The following PRAMEF20 variants were observed in gnomAD, a reference collection of about 807,000 sequenced individuals.
PRAMEF20 encodes the protein PRAME family member 20/21.
A neutral mutation model predicts 32.4 loss-of-function variants in PRAMEF20; 27 were observed. The observed-to-expected ratio is 0.83, with a 90% CI of 0.61 to 1.15. The LOEUF (loss-of-function observed/expected upper bound fraction) is 1.15. Ranked by LOEUF, PRAMEF20 falls within the 50% of genes most tolerant of loss-of-function variation. PRAMEF20 has a pLI of 0.00. For synonymous variants in PRAMEF20, 256 were observed against 235.4 expected (o/e 1.09, Z -0.80); for missense variants, 604 against 584.5 (o/e 1.03, Z -0.34).
chr1:13,417,293 A>G (rs1258727263), intron 1 of PRAMEF20, among the ~76,000 whole-genome samples: 2 of 152,026 alleles, frequency 1.3e-5, no homozygotes, highest in African/African-American at 4.8e-5. Context: ...GGCTACTTTT[A>G]GAATCCTGCT....
exon 1 of PRAMEF20, chr1:13,416,358 A>G (rs1277243801): frequency 1.2e-6 from 2 of 1,612,638 alleles, no homozygotes; most frequent in East Asian, 2.2e-5. Context: ...CAGGAAGATG[A>G]GCATCCGGAC....
At chr1:13,417,145 A>C (rs1355127147) in intron 1 of PRAMEF20, among the ~76,000 whole-genome samples, 2 of 152,150 alleles carry the variant, frequency 1.3e-5, no homozygotes, top group Non-Finnish European at 2.9e-5. Flanking sequence ...AGAAGGACGA[A>C]GCTTCCACAG....
At chr1:13,411,567 TG>T (rs1641114449), upstream of PRAMEF20, among the ~76,000 whole-genome samples, 1 of 152,198 alleles carries the variant, frequency 6.6e-6, no homozygotes, top group African/African-American at 2.4e-5. Context: ...GTCATTATCC[TG>T]GGTGTAATTT....
At chr1:13,415,371 C>T (rs1378398393), upstream of PRAMEF20, among the ~76,000 whole-genome samples, 1 of 152,144 alleles carries the variant, frequency 6.6e-6, no homozygotes, top group Non-Finnish European at 1.5e-5. Context: ...CATAAGTCAC[C>T]ATGCCCAGCC....
exon 3 of PRAMEF20, chr1:13,420,860 C>T (rs1641235167): frequency 1.9e-6 from 3 of 1,613,888 alleles, no homozygotes; most frequent in Non-Finnish European, 2.5e-6. Context: ...CCAAGTTCTC[C>T]TAGAAAAAGT....
In PRAMEF20 at chr1:13,421,253, T is replaced by C. The variant is rs939516172; in HGVS notation, c.1423T>C (p.Cys475Arg). The C allele has an allele frequency of 4.3e-6, 7 of 1,613,910 alleles. No individual in the cohort carries two copies. In the Admixed American group the frequency reaches 1.2e-4, roughly 27 times the overall value. ...CGACCTGGAGGTAGATCGGTGTTGC[T>C]GTTGAATGCCTGCCTATTTGGGTGG... is the stretch of plus-strand genomic sequence containing the variant. The change falls in exon 3 of 3, where the codon TGT (cysteine) becomes CGT (arginine). Residue 475 changes from cysteine to arginine, a missense_variant. By Grantham distance (180) the Cys-to-Arg change is radical. Coordinates refer to ENST00000602960, the Ensembl canonical transcript of PRAMEF20.
At chr1:13,413,801 C>A (rs1175494305), upstream of PRAMEF20, among the ~76,000 whole-genome samples, 2 of 152,024 alleles carry the variant, frequency 1.3e-5, no homozygotes, top group African/African-American at 4.8e-5. Flanking sequence ...AACACTGAGT[C>A]CAGATCTGGT....
intron 1 of PRAMEF20, among the ~76,000 whole-genome samples, 168 bp from the exon 3 acceptor site, chr1:13,417,954 T>TGTGTGTGTGTG (rs1641199873): frequency 1.8e-5 from 1 of 55,718 alleles, no homozygotes; most frequent in Non-Finnish European, 4.2e-5. Context: ...GTGTGTGTGT[T>TGTGTGTGTGTG]TAGTAGAGAC....
the PRAMEF20 span, chr1:13,410,483 G>GT: frequency 6.6e-6 from 1 of 152,020 alleles, no homozygotes; most frequent in Non-Finnish European, 1.5e-5. Flanking sequence ...TTTCTGCTTG[G>GT]TTTTTCCTGA....
At chr1:13,410,627 T>TTG in the PRAMEF20 span, 5 of 151,890 alleles carry the variant, frequency 3.3e-5, no homozygotes, top group African/African-American at 1.2e-4. Flanking sequence ...TGTCTTTTTT[T>TTG]TTTTTTTTGT....
chr1:13,421,289 C>G lies in PRAMEF20; in HGVS notation c.*31C>G, dbSNP rs1641242260. On this transcript the variant is annotated 3_prime_UTR_variant, in exon 3 of 3. Coordinates refer to ENST00000602960, the Ensembl canonical transcript of PRAMEF20. ...TGCCTATTTGGGTGGATATATCAAA[C>G]TCTTTTTTCTGAACACTTGAAAACT... 3 of 1,612,740 alleles carry G rather than the reference C, an allele frequency of 1.9e-6. No homozygotes were observed. In the African/African-American group the frequency reaches 4.0e-5, roughly 22 times the overall value.
upstream of PRAMEF20, among the ~76,000 whole-genome samples, chr1:13,414,208 A>ATTTTTTTTTTTTTTTTTTT (rs149194621): frequency 3.2e-5 from 4 of 123,280 alleles, no homozygotes; most frequent in Admixed American, 9.2e-5. Flanking sequence ...CACCTGACTA[A>ATTTTTTTTTTTTTTTTTTT]TTTTTTTTTT....
At chr1:13,420,962 G>C in exon 3 of PRAMEF20, 1 of 1,613,680 alleles carries the variant, frequency 6.2e-7, no homozygotes, top group Non-Finnish European at 8.5e-7. Flanking sequence ...CCGCTGCTTT[G>C]AGCTCACCAC....
At chr1:13,418,667 C>A in exon 2 of PRAMEF20, 1 of 1,613,894 alleles carries the variant, frequency 6.2e-7, no homozygotes, top group Non-Finnish European at 8.5e-7. Flanking sequence ...AACTCTGTTT[C>A]TTTCCTCGAA....
chr1:13,414,265 T>C (rs1045399558), upstream of PRAMEF20, among the ~76,000 whole-genome samples: 3 of 151,084 alleles, frequency 2.0e-5, no homozygotes, highest in African/African-American at 7.3e-5. Context: ...ATCACTATGT[T>C]TTCCAGGCTG....
At chr1:13,420,483 A>G (rs1641230416) in intron 2 of PRAMEF20, among the ~76,000 whole-genome samples, 1 of 152,164 alleles carries the variant, frequency 6.6e-6, no homozygotes, top group Non-Finnish European at 1.5e-5. Context: ...TTCTGGGATT[A>G]CAGGTGTGAG....
At chr1:13,420,237 GTC>G (rs1270391683) in intron 2 of PRAMEF20, among the ~76,000 whole-genome samples, 1 of 152,044 alleles carries the variant, frequency 6.6e-6, no homozygotes, top group African/African-American at 2.4e-5. Context: ...TTGAGACAGA[GTC>G]TCGCTCTGTC....
upstream of PRAMEF20, among the ~76,000 whole-genome samples, chr1:13,411,922 A>C (rs1276237558): frequency 1.3e-5 from 2 of 152,126 alleles, no homozygotes; most frequent in Non-Finnish European, 2.9e-5. Flanking sequence ...CCCACCCATG[A>C]CAAGATTATC....
intron 1 of PRAMEF20, among the ~76,000 whole-genome samples, chr1:13,417,017 G>C (rs1641182839): frequency 6.6e-6 from 1 of 152,186 alleles, no homozygotes; most frequent in African/African-American, 2.4e-5. Flanking sequence ...CCTGCCGGTG[G>C]GTTCATGGTC....
Sources: gnomAD v4.1 joint callset for allele counts (sites outside exome capture counted in the v4.1 genomes callset) on GRCh38, gnomAD v4.1.1 for gene constraint, MANE v1.5 for transcripts, NCBI Gene and HGNC (gene_info 2026-07-23, HGNC 2026-07-21) for gene names.